Variants in ZNF717 observed in about 807,000 individuals in gnomAD.
The protein encoded by ZNF717 is zinc finger protein 717, also known as krueppel-like factor X17.
ZNF717 carries 9 observed loss-of-function variants against 13.8 expected under a neutral mutation model. The ratio of observed to expected loss-of-function variants is 0.65; its 90% CI spans 0.39 to 1.14. The LOEUF (loss-of-function observed/expected upper bound fraction) is 1.14. ZNF717 is among the 50% of genes most tolerant of loss of function. ZNF717 has a pLI of 0.01. For missense variants in ZNF717, 1,040 were observed against 1,080.7 expected (o/e 0.96, Z 0.53); for synonymous variants, 327 against 364.1 (o/e 0.90, Z 1.16).
At position 75,783,295 on chromosome 3, in the gene ZNF717, A is replaced by G. The variant is rs557478050; in HGVS notation, c.57+11T>C. 3.9e-5 allele frequency: 60 copies of G among 1,546,798 alleles called. No homozygotes were observed. In the African/African-American group the frequency reaches 5.9e-4, roughly 15 times the overall value. ...GTGTAAAACAAAGTGAAGAACAAAT[A>G]AACAACTCACCAGAGATTTATTCTT... On this transcript the variant is annotated intron_variant, in intron 2 of 4. Transcript: ENST00000652011.
At chr3:75,735,248 C>A (rs141353659), downstream of ZNF717, among the ~76,000 whole-genome samples, 1 of 148,932 alleles carries the variant, frequency 6.7e-6, no homozygotes, top group Admixed American at 6.7e-5. Flanking sequence ...AGAAGGCAGT[C>A]GAAGTAACTG....
chr3:75,762,373 G>C (rs964879439), intron 2 of ZNF717, among the ~76,000 whole-genome samples: 9 of 151,402 alleles, frequency 5.9e-5, no homozygotes, highest in African/African-American at 2.2e-4. Context: ...TAAGGAAGGT[G>C]GAGGTTGCAG....
intron 2 of ZNF717, among the ~76,000 whole-genome samples, chr3:75,751,975 G>T (rs1277007139): frequency 6.6e-6 from 1 of 151,866 alleles, no homozygotes; most frequent in Non-Finnish European, 1.5e-5. Flanking sequence ...TGTTATGAGG[G>T]TCTGAACGTT....
chr3:75,782,738 A>T (rs188618396), intron 2 of ZNF717, among the ~76,000 whole-genome samples: 2 of 152,306 alleles, frequency 1.3e-5, no homozygotes, highest in Non-Finnish European at 2.9e-5. Flanking sequence ...TTTCCACTGC[A>T]CAACATGCCG....
intron 2 of ZNF717, among the ~76,000 whole-genome samples, chr3:75,774,511 C>G (rs956415435): frequency 6.6e-6 from 1 of 150,734 alleles, no homozygotes; most frequent in African/African-American, 2.4e-5. Context: ...GTGGGAAGCA[C>G]TGTCAAAATA....
intron 2 of ZNF717, among the ~76,000 whole-genome samples, chr3:75,762,070 GGAAA>G (rs1302824923): frequency 9.3e-5 from 13 of 140,316 alleles, no homozygotes; most frequent in Middle Eastern, 3.6e-3. Context: ...AAGAAAGAAA[GGAAA>G]GAAAGAGAGA....
intron 6 of ZNF717, among the ~76,000 whole-genome samples, chr3:75,697,919 G>A (rs1169335787): frequency 2.1e-3 from 314 of 150,358 alleles, no homozygotes; most frequent in African/African-American, 7.6e-3. Context: ...AGTGAAGGCT[G>A]GGCTGAGGAG....
rs1466829470 is a variant in ZNF717 at position 75,737,216 on chromosome 3, T to C, written c.2407A>G (p.Ile803Val). ...TCACCTGTGTGAGTTCTCTGATGTATGGTGAGAACTGTCTTATCGTAAAAA... is the reference window on the plus strand; with the variant it reads ...TCACCTGTGTGAGTTCTCTGATGTACGGTGAGAACTGTCTTATCGTAAAAA... ...KTFYDKTVLTIHQRTHTGEKP... is the reference protein window; with the variant it reads ...KTFYDKTVLTVHQRTHTGEKP... The change falls in exon 5 of 5, where the codon ATA becomes GTA. Residue 803 changes from isoleucine (I) to valine (V), a missense_variant. Transcript: ENST00000652011. 4 of 1,553,678 alleles carry C rather than the reference T, an allele frequency of 2.6e-6. No homozygotes were observed. The highest frequency in any genetic ancestry group is 3.9e-5 in the Admixed American group (2 of 51,104).
intron 2 of ZNF717, among the ~76,000 whole-genome samples, chr3:75,781,189 A>C (rs1302531716): frequency 6.6e-6 from 1 of 152,280 alleles, no homozygotes; most frequent in Non-Finnish European, 1.5e-5. Context: ...CTAACTTGAG[A>C]GTATGCACCT....
intron 5 of ZNF717, among the ~76,000 whole-genome samples, chr3:75,715,295 T>G (rs1242178912): frequency 6.6e-6 from 1 of 152,364 alleles, no homozygotes; most frequent in Admixed American, 6.5e-5. Flanking sequence ...GTAGCAAATC[T>G]ATTTTCTGTT....
intron 4 of ZNF717, among the ~76,000 whole-genome samples, chr3:75,724,147 C>G (rs1938227734): frequency 6.6e-6 from 1 of 152,154 alleles, no homozygotes; most frequent in Non-Finnish European, 1.5e-5. Flanking sequence ...GTGACCTTAC[C>G]TATCATTGGA....
chr3:75,750,127 A>G (rs80291458), intron 2 of ZNF717, among the ~76,000 whole-genome samples: 1 of 138,694 alleles, frequency 7.2e-6, no homozygotes, highest in Non-Finnish European at 1.6e-5. Context: ...TCCTCCCTCA[A>G]ATAGGATACT....
chr3:75,704,303 T>C, intron 6 of ZNF717, among the ~76,000 whole-genome samples: 1 of 152,308 alleles, frequency 6.6e-6, no homozygotes, highest in Admixed American at 6.5e-5. Flanking sequence ...AGAATCCTAC[T>C]TTTTGGTCTG....
At chr3:75,718,037 A>G (rs1391026156) in intron 4 of ZNF717, among the ~76,000 whole-genome samples, 1 of 152,202 alleles carries the variant, frequency 6.6e-6, no homozygotes, top group African/African-American at 2.4e-5. Flanking sequence ...CAGGGAGAAG[A>G]CAAAATAAGG....
chr3:75,757,332 C>A (rs565278488), intron 2 of ZNF717, among the ~76,000 whole-genome samples: 79 of 152,120 alleles, frequency 5.2e-4, no homozygotes, highest in Non-Finnish European at 1.0e-3. Flanking sequence ...AACTTGAAAC[C>A]AATGATGATT....
intron 4 of ZNF717, among the ~76,000 whole-genome samples, chr3:75,717,952 C>T (rs902344480): frequency 2.0e-5 from 3 of 152,136 alleles, no homozygotes; most frequent in African/African-American, 7.2e-5. Flanking sequence ...GATTTCAGTG[C>T]ACGTAGTTTA....
intron 2 of ZNF717, among the ~76,000 whole-genome samples, chr3:75,782,088 G>A (rs1559699900): frequency 6.6e-6 from 1 of 152,110 alleles, no homozygotes; most frequent in Non-Finnish European, 1.5e-5. Context: ...CTCAAAGTGT[G>A]GCGTTTCTCT....
At chr3:75,729,802 G>A (rs1402701799), downstream of ZNF717, among the ~76,000 whole-genome samples, 2 of 152,174 alleles carry the variant, frequency 1.3e-5, no homozygotes. Context: ...AAAAGAAGGA[G>A]GCAGGTTTGC....
At chr3:75,763,341 A>T (rs1483835360) in intron 2 of ZNF717, among the ~76,000 whole-genome samples, 1 of 152,236 alleles carries the variant, frequency 6.6e-6, no homozygotes, top group Non-Finnish European at 1.5e-5. Flanking sequence ...CTGGTTGAGC[A>T]TCTCAAATTC....
Sources: gnomAD v4.1 joint callset for allele counts (sites outside exome capture counted in the v4.1 genomes callset) on GRCh38, gnomAD v4.1.1 for gene constraint, MANE v1.5 for transcripts, NCBI Gene and HGNC (gene_info 2026-07-23, HGNC 2026-07-21) for gene names.